The following FAM120A variants were observed in gnomAD, a reference collection of about 807,000 sequenced individuals.
FAM120A encodes the protein constitutive coactivator of PPAR-gamma-like protein 1.
A neutral mutation model predicts 109.7 loss-of-function variants in FAM120A; 15 were observed. The observed-to-expected ratio is 0.14, with a 90% confidence interval of 0.09 to 0.21. FAM120A has a LOEUF of 0.21. Ranked by LOEUF, FAM120A falls within the 10% of genes least tolerant of loss-of-function variation. The pLI is 1.00. For missense variants in FAM120A, 899 were observed against 1,439.3 expected (o/e 0.62, Z 6.07); for synonymous variants, 493 against 572.8 (o/e 0.86, Z 1.99).
chr9:93,463,659 A>G (rs1371747153), intron 1 of FAM120A, among the ~76,000 whole-genome samples: 2 of 152,232 alleles, frequency 1.3e-5, no homozygotes, highest in Non-Finnish European at 2.9e-5. Flanking sequence ...TTTTTAAAAC[A>G]AAATAATTTA....
chr9:93,559,000 G>A (rs1002579089), intron 15 of FAM120A, among the ~76,000 whole-genome samples: 2 of 152,088 alleles, frequency 1.3e-5, no homozygotes, highest in South Asian at 2.1e-4. Flanking sequence ...CCTGACCATC[G>A]CCTCGTGTTC....
At chr9:93,545,831 G>A (rs761913284) in intron 11 of FAM120A, among the ~76,000 whole-genome samples, 5 of 103,968 alleles carry the variant, frequency 4.8e-5, no homozygotes, top group Non-Finnish European at 9.2e-5. Flanking sequence ...TGCTCTTGTC[G>A]CTGGAGTGCA....
intron 11 of FAM120A, among the ~76,000 whole-genome samples, chr9:93,544,841 C>G (rs907338642): frequency 3.3e-5 from 5 of 152,142 alleles, no homozygotes; most frequent in Admixed American, 1.3e-4. Context: ...AGGACACTGG[C>G]TCAGAGGGTT....
chr9:93,509,177 G>C (rs151312230), intron 5 of FAM120A, among the ~76,000 whole-genome samples: 17 of 152,358 alleles, frequency 1.1e-4, no homozygotes, highest in African/African-American at 4.1e-4. Flanking sequence ...ATGTGAAAGA[G>C]ACCACATGGT....
chr9:93,563,995 A>G (rs1377895178), intron 17 of FAM120A, among the ~76,000 whole-genome samples: 1 of 152,194 alleles, frequency 6.6e-6, no homozygotes, highest in Non-Finnish European at 1.5e-5. Context: ...AATCTCCCTC[A>G]TTTTCAGGGT....
chr9:93,490,000 C>T (rs117118737), intron 3 of FAM120A, among the ~76,000 whole-genome samples: 1 of 152,334 alleles, frequency 6.6e-6, no homozygotes, highest in Non-Finnish European at 1.5e-5. Flanking sequence ...ACCTGTGCTC[C>T]ACTGTGTCCT....
chr9:93,528,000 C>G (rs1861162056), intron 8 of FAM120A, among the ~76,000 whole-genome samples: 1 of 152,164 alleles, frequency 6.6e-6, no homozygotes, highest in African/African-American at 2.4e-5. Context: ...CCATGTACGT[C>G]TGCCACATGT....
intron 3 of FAM120A, among the ~76,000 whole-genome samples, chr9:93,483,335 T>G (rs1431583635): frequency 6.6e-6 from 1 of 151,958 alleles, no homozygotes; most frequent in Non-Finnish European, 1.5e-5. Flanking sequence ...AATATAATAT[T>G]AGGGGCCTGA....
At chr9:93,543,937 A>G (rs1358842996) in intron 11 of FAM120A, among the ~76,000 whole-genome samples, 1 of 152,244 alleles carries the variant, frequency 6.6e-6, no homozygotes, top group Non-Finnish European at 1.5e-5. Flanking sequence ...TGTGTAAAAC[A>G]TCATAGAGTA....
At position 93,501,230 on chromosome 9, in the gene FAM120A, T is replaced by C. The variant is rs112881995; in HGVS notation, c.1030+2344T>C. On this transcript the variant is annotated intron_variant, in intron 5 of 17. Coordinates refer to ENST00000277165, the MANE Select transcript of FAM120A (RefSeq NM_014612.5). The stretch of plus-strand genomic sequence containing the variant: ...AGAGTGTACTTGGGACTGGAAAATC[T>C]ACTTAGGAGAAAATTAGGAAGATAA... Among the ~76,000 whole-genome samples, 514 of 152,330 alleles carry C rather than the reference T, an allele frequency of 3.4e-3. 8 individuals carry two copies. Among genetic ancestry groups the C allele is most frequent in the African/African-American group, 0.011 (463 of 41,568 alleles).
At chr9:93,489,523 G>A (rs954531639) in intron 3 of FAM120A, among the ~76,000 whole-genome samples, 4 of 152,168 alleles carry the variant, frequency 2.6e-5, no homozygotes, top group African/African-American at 7.2e-5. Flanking sequence ...CTGCCTTTTC[G>A]TCCTAGGCTC....
rs534857937 is a variant in FAM120A, at chr9:93,512,625, C to T, written c.1031-3042C>T. On this transcript the variant is annotated intron_variant, in intron 5 of 17. Transcript: ENST00000277165. ...TGGTGTGACCTCTACTCTGGAGCCC[C>T]GTGTCCCTTCTGAGAAAGATGCCTC... Among the ~76,000 whole-genome samples, 10 of 152,108 alleles carry T rather than the reference C, an allele frequency of 6.6e-5. No homozygotes were observed. The South Asian group carries it at 1.2e-3, about 19-fold the overall frequency.
intron 10 of FAM120A, 33 bp from the exon 11 acceptor site, chr9:93,543,189 G>A (rs745851872): frequency 6.2e-7 from 1 of 1,607,206 alleles, no homozygotes; most frequent in Admixed American, 1.7e-5. Context: ...AATGATGCAT[G>A]AATGTGTCTT....
chr9:93,514,474 A>G (rs1346084510), intron 5 of FAM120A, among the ~76,000 whole-genome samples: 1 of 152,214 alleles, frequency 6.6e-6, no homozygotes, highest in African/African-American at 2.4e-5. Flanking sequence ...AACCCAAGGA[A>G]GAGATGGTGC....
intron 10 of FAM120A, among the ~76,000 whole-genome samples, chr9:93,541,311 C>T (rs78108956): frequency 0.036 from 5,521 of 152,014 alleles, 143 homozygotes; most frequent in Middle Eastern, 0.048. Context: ...GAAGGCAGGT[C>T]GGCTCACAGG....
chr9:93,467,484 G>A (rs1351186427), intron 1 of FAM120A, among the ~76,000 whole-genome samples: 1 of 152,100 alleles, frequency 6.6e-6, no homozygotes, highest in Non-Finnish European at 1.5e-5. Context: ...GGCAGGTTGG[G>A]TATCTGGGGC....
chr9:93,564,170 C>T, intron 17 of FAM120A, 59 bp from the exon 18 acceptor site: 1 of 1,535,700 alleles, frequency 6.5e-7, no homozygotes, highest in Non-Finnish European at 8.8e-7. Context: ...AAATTGGCAT[C>T]CTCTCTCTTC....
At chr9:93,554,136 C>CACACACACA (rs2131552990) in intron 12 of FAM120A, among the ~76,000 whole-genome samples, 1 of 127,496 alleles carries the variant, frequency 7.8e-6, no homozygotes, top group East Asian at 2.1e-4. Context: ...CACACACACA[C>CACACACACA]ACACACACAC....
chr9:93,527,997 C>T (rs1445789882), intron 8 of FAM120A, among the ~76,000 whole-genome samples: 2 of 152,126 alleles, frequency 1.3e-5, no homozygotes, highest in East Asian at 1.9e-4. Flanking sequence ...AAGCCATGTA[C>T]GTCTGCCACA....
Sources: allele counts gnomAD v4.1 joint callset (sites outside exome capture counted in the v4.1 genomes callset), GRCh38; gene constraint gnomAD v4.1.1; transcripts MANE v1.5; gene names NCBI Gene and HGNC (gene_info 2026-07-23, HGNC 2026-07-21).